BANP: variants seen among roughly 807,000 people sequenced by gnomAD.
BANP encodes the protein BTG3 associated nuclear protein, also known as protein BANP.
BANP carries 11 observed loss-of-function variants against 68.1 expected under a neutral mutation model. The observed-to-expected ratio is 0.16, with a 90% CI of 0.10 to 0.27. The LOEUF is 0.27. BANP is among the 10% of genes least tolerant of loss of function. The pLI, the probability that BANP is intolerant of heterozygous loss-of-function variation, is 1.00. For synonymous variants in BANP, 329 were observed against 303.2 expected, an observed-to-expected ratio of 1.09 and a Z score of -0.88; for missense variants, 504 against 722.7, an observed-to-expected ratio of 0.70 and a Z score of 3.47.
intron 2 of BANP, 50 bp from the exon 3 acceptor site, chr16:87,980,986 C>A: frequency 2.3e-6 from 3 of 1,300,478 alleles, no homozygotes; most frequent in South Asian, 1.2e-5. Context: ...TAAAATAATT[C>A]TGTAAAACTT....
Position 88,002,526 on chromosome 16 carries a change from T to G in BANP, c.363-1769T>G, listed in dbSNP as rs1247308050. 6.6e-6 allele frequency among the ~76,000 whole-genome samples: 1 copy of G among 152,086 alleles called. No individual in the cohort carries two copies. The highest frequency in any genetic ancestry group is 1.5e-5 in the Non-Finnish European group (1 of 68,012). ...GTGGAAGGGAACACACACATTGAGA[T>G]ACTCGCTCAAGGAGAGTCATCTTTA... On this transcript the variant is annotated intron_variant, in intron 4 of 13. Transcript: ENST00000682872. The surrounding 1 kb of genome is among the most constrained non-coding windows in gnomAD (Gnocchi z 4.6).
intron 2 of BANP, among the ~76,000 whole-genome samples, chr16:87,977,561 A>G (rs528505196): frequency 6.6e-6 from 1 of 152,370 alleles, no homozygotes; most frequent in African/African-American, 2.4e-5. Flanking sequence ...GTGGGTTTAA[A>G]GTACTTTCCT....
At chr16:88,016,012 G>A (rs910167086) in intron 6 of BANP, among the ~76,000 whole-genome samples, 1 of 152,216 alleles carries the variant, frequency 6.6e-6, no homozygotes, top group Non-Finnish European at 1.5e-5. Context: ...CCATTTGCCA[G>A]CATGGGCCTC....
chr16:88,026,928 A>C lies in BANP; in HGVS notation c.896-555A>C, dbSNP rs1426082604. Among the ~76,000 whole-genome samples the C allele has an allele frequency of 2.0e-5, 3 of 152,358 alleles. No individual in the cohort carries two copies. The East Asian group carries it at 5.8e-4, about 29-fold the overall frequency. On this transcript the variant is annotated intron_variant, in intron 7 of 13. Transcript: ENST00000682872. ...GGAAGGTGGTCAGTGCTCTGACAAA[A>C]CAAGTGGGAGGAGGGTGGGAGCCCA... is the stretch of plus-strand genomic sequence containing the variant.
At chr16:88,030,963 G>A (rs1462425586) in intron 8 of BANP, among the ~76,000 whole-genome samples, 3 of 152,240 alleles carry the variant, frequency 2.0e-5, no homozygotes, top group Non-Finnish European at 2.9e-5. Context: ...TAGCGCATAA[G>A]TAAAGAATTA....
intron 1 of BANP, among the ~76,000 whole-genome samples, chr16:87,962,246 AAAAAAAAAAAG>A (rs1043418373): frequency 2.0e-5 from 3 of 150,074 alleles, no homozygotes; most frequent in Non-Finnish European, 3.0e-5. Flanking sequence ...TCTCAAAAAA[AAAAAAAAAAAG>A]AAAGCACATT....
intron 11 of BANP, among the ~76,000 whole-genome samples, chr16:88,045,959 C>T (rs1371649813): frequency 5.3e-5 from 8 of 152,218 alleles, no homozygotes; most frequent in Admixed American, 1.3e-4. Context: ...TGGGCGCACA[C>T]GGCCCACCTG....
chr16:88,042,441 G>A (rs1038170845), intron 11 of BANP, among the ~76,000 whole-genome samples: 1 of 152,182 alleles, frequency 6.6e-6, no homozygotes, highest in African/African-American at 2.4e-5. Flanking sequence ...TGTGGCCTCT[G>A]CTTTGCCAGC....
Position 88,003,579 on chromosome 16 carries a change from G to C in BANP, c.363-716G>C. 1 of 455,642 alleles carries C rather than the reference G, an allele frequency of 2.2e-6. No individual in the cohort carries two copies. The highest frequency in any genetic ancestry group is 1.6e-5 in the South Asian group (1 of 64,478). The allele number at this position is 455,642 out of a possible 1,614,324, so 28.2% of individuals were successfully genotyped here. On this transcript the variant is annotated intron_variant, in intron 4 of 13. Transcript: ENST00000682872. This position sits in a 1 kb window ranked among gnomAD's most constrained non-coding sequence, Gnocchi z 6.1. Reference sequence around the variant, plus strand: ...AAAACTGTGGGTGAGTCTGTACTTTGAGATGAAGCTGTGTTAGCTGCCGCC... The same window carrying C: ...AAAACTGTGGGTGAGTCTGTACTTTCAGATGAAGCTGTGTTAGCTGCCGCC...
intron 4 of BANP, among the ~76,000 whole-genome samples, chr16:87,987,891 G>A (rs576795138): frequency 2.5e-4 from 38 of 151,960 alleles, no homozygotes; most frequent in South Asian, 1.5e-3. Context: ...TCAGCCTCCC[G>A]AGTGGCTGGA....
At position 88,003,561 on chromosome 16, in the gene BANP, T is replaced by G. The variant is rs1448841162; in HGVS notation, c.363-734T>G. 34 of 456,110 alleles carry G rather than the reference T, an allele frequency of 7.5e-5. No individual in the cohort carries two copies. The highest frequency in any genetic ancestry group is 8.8e-6 in the Non-Finnish European group (2 of 226,936). 28.3% of individuals were successfully genotyped at this position (456,110 alleles called of 1,614,324 possible). A position where few individuals can be genotyped will look rare whatever the true frequency, so the allele number is the denominator to read the frequency against. ...CTTAAAAACGCATGATTGAAAACTGTGGGTGAGTCTGTACTTTGAGATGAA... is the reference window on the plus strand; with the variant it reads ...CTTAAAAACGCATGATTGAAAACTGGGGGTGAGTCTGTACTTTGAGATGAA... On this transcript the variant is annotated intron_variant, in intron 4 of 13. Transcript: ENST00000682872. This position sits in a 1 kb window ranked among gnomAD's most constrained non-coding sequence, Gnocchi z 6.1.
chr16:88,040,723 G>T (rs541167627), intron 11 of BANP, among the ~76,000 whole-genome samples: 39 of 152,348 alleles, frequency 2.6e-4, no homozygotes, highest in African/African-American at 8.9e-4. Flanking sequence ...TGTCCCGGAG[G>T]CCCTTGGCCT....
At chr16:88,032,850 G>A (rs1478807292) in intron 8 of BANP, among the ~76,000 whole-genome samples, 1 of 152,218 alleles carries the variant, frequency 6.6e-6, no homozygotes, top group Non-Finnish European at 1.5e-5. Context: ...ATAAGTTGGG[G>A]ACTAGAAGGG....
At chr16:88,026,124 G>T (rs1331447103) in intron 7 of BANP, among the ~76,000 whole-genome samples, 1 of 152,226 alleles carries the variant, frequency 6.6e-6, no homozygotes, top group African/African-American at 2.4e-5. Context: ...TGCTCAGGGC[G>T]TGCTGAGAGC....
intron 4 of BANP, among the ~76,000 whole-genome samples, chr16:87,999,891 T>G (rs2068662258): frequency 1.5e-5 from 1 of 67,172 alleles, no homozygotes. Context: ...TACTTACCTG[T>G]CCTTCCAGAC....
intron 11 of BANP, among the ~76,000 whole-genome samples, chr16:88,058,252 C>T (rs534511546): frequency 3.3e-5 from 5 of 152,268 alleles, no homozygotes; most frequent in African/African-American, 7.2e-5. Context: ...AAGGACAGTG[C>T]GAACAAAGAT....
At position 88,018,115 on chromosome 16, in the gene BANP, T is replaced by G. The variant is rs1218630659; in HGVS notation, c.656-313T>G. On this transcript the variant is annotated intron_variant, in intron 6 of 13. Coordinates refer to ENST00000682872, the MANE Select transcript of BANP (RefSeq NM_001386991.1). The surrounding 1 kb of genome is among the most constrained non-coding windows in gnomAD (Gnocchi z 7.7). Reference sequence around the variant, plus strand: ...CCAACTGTGTGCAAGGATATCGGTATTGCTGGGGTCCCGGGTCCAGGGTGA... The same window carrying G: ...CCAACTGTGTGCAAGGATATCGGTAGTGCTGGGGTCCCGGGTCCAGGGTGA... 1.3e-5 allele frequency among the ~76,000 whole-genome samples: 2 copies of G among 151,962 alleles called. No individual in the cohort carries two copies. Among genetic ancestry groups the G allele is most frequent in the Non-Finnish European group, 2.9e-5 (2 of 67,986 alleles).
chr16:88,020,689 G>A (rs913045525), intron 7 of BANP, among the ~76,000 whole-genome samples: 15 of 152,212 alleles, frequency 9.9e-5, no homozygotes, highest in Non-Finnish European at 2.1e-4. Context: ...TGGCATTCGG[G>A]GCTGGGCCCT....
chr16:88,031,686 C>T (rs2152735580), intron 8 of BANP, among the ~76,000 whole-genome samples: 1 of 151,746 alleles, frequency 6.6e-6, no homozygotes, highest in East Asian at 1.9e-4. Context: ...TTTATTGTTA[C>T]TTTAAAAAAT....
Sources: gnomAD v4.1 joint callset for allele counts (sites outside exome capture counted in the v4.1 genomes callset) on GRCh38, gnomAD v4.1.1 for gene constraint, Gnocchi (gnomAD v3.1) non-coding constraint, MANE v1.5 for transcripts, NCBI Gene and HGNC (gene_info 2026-07-23, HGNC 2026-07-21) for gene names.